PDE11A: variants seen among roughly 807,000 people sequenced by gnomAD.
The protein encoded by PDE11A is phosphodiesterase 11A.
A neutral mutation model predicts 100.5 loss-of-function variants in PDE11A; 100 were observed. That is an observed-to-expected ratio of 1.00 (90% CI 0.85 to 1.18). The LOEUF is 1.18. Ranked by LOEUF, PDE11A falls within the 50% of genes most tolerant of loss-of-function variation. The probability of loss-of-function intolerance (pLI) is 0.00; values close to 1 mark genes in which losing one functional copy is unlikely to be tolerated. For missense variants in PDE11A, 1,141 were observed against 1,152.6 expected (o/e 0.99, Z 0.15); for synonymous variants, 381 against 420.8 (o/e 0.91, Z 1.16).
chr2:177,782,644 G>A (rs116052999), intron 9 of PDE11A, among the ~76,000 whole-genome samples: 3,260 of 152,130 alleles, frequency 0.021, 60 homozygotes, highest in South Asian at 0.049. Context: ...CACACTAAAT[G>A]TGAAATTCAG....
At chr2:177,945,789 C>A (rs1403961489) in intron 2 of PDE11A, among the ~76,000 whole-genome samples, 3 of 149,700 alleles carry the variant, frequency 2.0e-5, no homozygotes, top group South Asian at 2.1e-4. Context: ...GGGGGTCAGC[C>A]CCCCCGCCCG....
chr2:177,772,526 A>T (rs1280522405), intron 9 of PDE11A, among the ~76,000 whole-genome samples: 3 of 152,200 alleles, frequency 2.0e-5, no homozygotes, highest in African/African-American at 4.8e-5. Context: ...TTACTGTGGT[A>T]AAATTTAATT....
intron 1 of PDE11A, among the ~76,000 whole-genome samples, chr2:178,048,249 A>G (rs1218546046): frequency 6.6e-6 from 1 of 152,078 alleles, no homozygotes; most frequent in Non-Finnish European, 1.5e-5. Flanking sequence ...GAATAAAAGG[A>G]AGGAATCAAA....
intron 2 of PDE11A, among the ~76,000 whole-genome samples, chr2:177,970,347 T>C (rs1003511474): frequency 9.2e-5 from 14 of 152,090 alleles, no homozygotes; most frequent in Non-Finnish European, 1.9e-4. Context: ...ATATAAACTC[T>C]CATTTTTAAA....
chr2:177,962,387 A>G (rs181008892), intron 2 of PDE11A, among the ~76,000 whole-genome samples: 1 of 152,192 alleles, frequency 6.6e-6, no homozygotes, highest in East Asian at 1.9e-4. Flanking sequence ...AATCGGTAAA[A>G]TGAAAATACT....
chr2:177,875,763 T>G, intron 5 of PDE11A, 96 bp downstream of exon 5: 1 of 806,198 alleles, frequency 1.2e-6, no homozygotes, highest in Non-Finnish European at 2.2e-6. Context: ...TGCTTGCTAA[T>G]ATAAAGAACT....
rs994873503 is a variant in PDE11A, at chr2:177,700,996, G to A, written c.2244+125C>T. The A allele has an allele frequency of 2.1e-5, 15 of 727,458 alleles. No homozygotes were observed. The African/African-American group carries it at 2.2e-4, about 11-fold the overall frequency. 45.1% of individuals were successfully genotyped at this position (727,458 alleles called of 1,614,324 possible). A position where few individuals can be genotyped will look rare whatever the true frequency, so the allele number is the denominator to read the frequency against. On this transcript the variant is annotated intron_variant, in intron 14 of 19. Transcript: ENST00000286063. ...AGAAAAAGCTACTAAGGCCCATTAA[G>A]TTGACTTAGAAATGGTTTTCCCACT...
Position 177,657,963 on chromosome 2 carries a change from C to T in PDE11A, c.2646+5903G>A, listed in dbSNP as rs1434257032. On this transcript the variant is annotated intron_variant, in intron 19 of 19. Transcript: ENST00000286063. ...CAATCAGCTAGAACTGGCCAGGAAG[C>T]TGCTGGGGGTGGTGAAGGGGGCTTG... Among the ~76,000 whole-genome samples the T allele has an allele frequency of 7.9e-5, 12 of 152,238 alleles. No individual in the cohort carries two copies. In the East Asian group the frequency reaches 2.3e-3, roughly 30 times the overall value.
chr2:177,703,713 T>C (rs1289460815), intron 13 of PDE11A, among the ~76,000 whole-genome samples: 3 of 152,214 alleles, frequency 2.0e-5, no homozygotes, highest in African/African-American at 7.2e-5. Flanking sequence ...ATCAGCTAGA[T>C]GATCAGAAGT....
intron 9 of PDE11A, among the ~76,000 whole-genome samples, chr2:177,782,669 T>C (rs2082470262): frequency 2.6e-5 from 4 of 152,226 alleles, no homozygotes; most frequent in South Asian, 4.2e-4. Context: ...CTCCTCAATT[T>C]CCACACCAAA....
intron 2 of PDE11A, among the ~76,000 whole-genome samples, chr2:177,949,563 G>A (rs1270070654): frequency 3.3e-5 from 5 of 152,152 alleles, no homozygotes; most frequent in African/African-American, 1.2e-4. Context: ...TTATAAAATG[G>A]AGGTGATCAT....
intron 10 of PDE11A, among the ~76,000 whole-genome samples, chr2:177,737,757 G>A (rs545133775): frequency 5.9e-5 from 9 of 152,304 alleles, no homozygotes; most frequent in South Asian, 2.1e-4. Flanking sequence ...AGTGGTTAAC[G>A]ATGTCCATCA....
chr2:177,701,660 T>TTCTGTG (rs2081199635), intron 13 of PDE11A, among the ~76,000 whole-genome samples: 1 of 152,358 alleles, frequency 6.6e-6, no homozygotes, highest in Non-Finnish European at 1.5e-5. Flanking sequence ...CTTCATGAAC[T>TTCTGTG]AAACCTTCTG....
chr2:177,693,366 G>A (rs983090331), intron 15 of PDE11A, among the ~76,000 whole-genome samples: 1 of 152,096 alleles, frequency 6.6e-6, no homozygotes, highest in African/African-American at 2.4e-5. Context: ...GGTGGGTGGC[G>A]GACAATTTTG....
At chr2:178,052,220 T>C (rs1372091766) in intron 1 of PDE11A, among the ~76,000 whole-genome samples, 2 of 152,190 alleles carry the variant, frequency 1.3e-5, no homozygotes, top group East Asian at 1.9e-4. Flanking sequence ...CACTCAAAAC[T>C]GCTCAACTAC....
chr2:177,970,817 C>A (rs533861468), intron 2 of PDE11A, among the ~76,000 whole-genome samples: 2 of 152,194 alleles, frequency 1.3e-5, no homozygotes, highest in African/African-American at 4.8e-5. Context: ...ACGGGAGGTA[C>A]AACAGGGGAA....
intron 13 of PDE11A, 83 bp from the exon 14 acceptor site, chr2:177,701,294 C>T (rs975354934): frequency 4.1e-5 from 31 of 763,456 alleles, no homozygotes; most frequent in Non-Finnish European, 3.4e-5. Flanking sequence ...GCTTTTCTTG[C>T]TTTTGGCAAA....
chr2:177,667,742 C>T (rs880898), intron 18 of PDE11A, among the ~76,000 whole-genome samples: 87,849 of 152,030 alleles, frequency 0.58, 29,745 homozygotes, highest in Non-Finnish European at 0.72. Context: ...GTGTCTTACT[C>T]ATTGCTGGAA....
At chr2:177,760,285 C>A (rs751807123) in intron 10 of PDE11A, among the ~76,000 whole-genome samples, 1 of 152,130 alleles carries the variant, frequency 6.6e-6, no homozygotes, top group Non-Finnish European at 1.5e-5. Flanking sequence ...CTTATTTAAA[C>A]ATTTATAGGT....
Sources: gnomAD v4.1 joint callset for allele counts (sites outside exome capture counted in the v4.1 genomes callset) on GRCh38, gnomAD v4.1.1 for gene constraint, MANE v1.5 for transcripts, NCBI Gene and HGNC (gene_info 2026-07-23, HGNC 2026-07-21) for gene names.